Variants in CCSER1 observed in about 807,000 individuals in gnomAD.
CCSER1 encodes coiled-coil serine rich protein 1, also known as serine-rich coiled-coil domain-containing protein 1.
A neutral mutation model predicts 82.0 loss-of-function variants in CCSER1; 41 were observed. The observed-to-expected ratio is 0.50, with a 90% CI of 0.39 to 0.65. CCSER1 has a LOEUF of 0.65. Ranked by LOEUF, CCSER1 falls within the 30% of genes least tolerant of loss-of-function variation. The pLI is 0.00. For missense variants in CCSER1, 1,119 were observed against 1,064.2 expected, an observed-to-expected ratio of 1.05 and a Z score of -0.72; for synonymous variants, 414 against 383.9, an observed-to-expected ratio of 1.08 and a Z score of -0.92.
At chr4:90,884,423 C>T (rs1475841799) in intron 8 of CCSER1, among the ~76,000 whole-genome samples, 4 of 151,970 alleles carry the variant, frequency 2.6e-5, no homozygotes, top group Non-Finnish European at 5.9e-5. Flanking sequence ...TATATATAAT[C>T]AATTTATATA....
In CCSER1 at chr4:90,756,230, A is replaced by G. The variant is rs182893969; in HGVS notation, c.2010+32239A>G. Among the ~76,000 whole-genome samples the G allele has an allele frequency of 5.3e-5, 8 of 152,310 alleles. No homozygotes were observed. The East Asian group carries it at 1.5e-3, about 29-fold the overall frequency. The stretch of plus-strand genomic sequence containing the variant: ...GTGACAGAGCGAGACTCTGTCTCAA[A>G]AAAACAAATTAATAAGTAAAATAAA... On this transcript the variant is annotated intron_variant, in intron 7 of 10. Coordinates refer to ENST00000509176, the MANE Select transcript of CCSER1 (RefSeq NM_001145065.2).
chr4:90,180,342 A>G (rs1209923554), intron 1 of CCSER1, among the ~76,000 whole-genome samples: 1 of 152,022 alleles, frequency 6.6e-6, no homozygotes, highest in East Asian at 1.9e-4. Context: ...TAATCCCAGC[A>G]CTTTGGGATG....
intron 8 of CCSER1, among the ~76,000 whole-genome samples, chr4:90,829,193 T>G (rs1760839381): frequency 6.6e-6 from 1 of 152,100 alleles, no homozygotes; most frequent in South Asian, 2.1e-4. Flanking sequence ...GAAACAACGT[T>G]CAACAAAACC....
At chr4:90,878,742 T>G (rs537955527) in intron 8 of CCSER1, among the ~76,000 whole-genome samples, 5 of 152,330 alleles carry the variant, frequency 3.3e-5, no homozygotes, top group Admixed American at 3.3e-4. Context: ...GTTCTGTGTC[T>G]GAATCTCAAC....
intron 1 of CCSER1, among the ~76,000 whole-genome samples, chr4:90,228,419 G>C (rs906968062): frequency 1.3e-5 from 2 of 152,160 alleles, no homozygotes; most frequent in African/African-American, 4.8e-5. Context: ...GGTCCTGTCA[G>C]ATAGAAGGAA....
chr4:90,865,716 T>G (rs1765651880), intron 8 of CCSER1, among the ~76,000 whole-genome samples: 2 of 152,148 alleles, frequency 1.3e-5, no homozygotes, highest in African/African-American at 4.8e-5. Context: ...TAGGGGACAG[T>G]TACAACAACA....
chr4:91,051,878 A>G (rs1743035851), intron 9 of CCSER1, among the ~76,000 whole-genome samples: 1 of 151,688 alleles, frequency 6.6e-6, no homozygotes, highest in African/African-American at 2.4e-5. Context: ...GACAGGCAAA[A>G]CAACTTACTA....
intron 8 of CCSER1, among the ~76,000 whole-genome samples, chr4:90,903,572 A>G (rs200329621): frequency 8.9e-4 from 136 of 152,286 alleles, no homozygotes; most frequent in African/African-American, 3.0e-3. Flanking sequence ...AATGGAAAGT[A>G]AACACCTTCC....
At chr4:90,416,486 T>G (rs1020804492) in intron 4 of CCSER1, among the ~76,000 whole-genome samples, 3 of 152,204 alleles carry the variant, frequency 2.0e-5, no homozygotes, top group African/African-American at 7.2e-5. Context: ...TTTCCTCATT[T>G]GTAAAATGAC....
At chr4:90,331,819 CTT>C (rs34836949) in intron 3 of CCSER1, among the ~76,000 whole-genome samples, 62 of 144,616 alleles carry the variant, frequency 4.3e-4, no homozygotes, top group Admixed American at 6.3e-4. Flanking sequence ...TGTAAGACAG[CTT>C]TTTTTTTTTT....
At chr4:91,149,947 G>T (rs746983098) in intron 10 of CCSER1, among the ~76,000 whole-genome samples, 6 of 152,148 alleles carry the variant, frequency 3.9e-5, no homozygotes, top group Non-Finnish European at 7.3e-5. Context: ...GCTTAGGATT[G>T]TCTTGGCAAT....
At chr4:91,282,032 C>A (rs1366503459) in intron 10 of CCSER1, among the ~76,000 whole-genome samples, 2 of 152,106 alleles carry the variant, frequency 1.3e-5, no homozygotes, top group East Asian at 3.9e-4. Flanking sequence ...ATGTAACTTA[C>A]AAAGTTAAAA....
chr4:91,108,531 T>C (rs947068135), intron 10 of CCSER1, among the ~76,000 whole-genome samples: 4 of 152,232 alleles, frequency 2.6e-5, no homozygotes, highest in African/African-American at 9.6e-5. Flanking sequence ...ATAAGTGTTC[T>C]CCTATGCTTT....
intron 10 of CCSER1, among the ~76,000 whole-genome samples, chr4:91,346,792 T>C (rs1748092099): frequency 1.3e-5 from 2 of 152,188 alleles, no homozygotes; most frequent in Non-Finnish European, 2.9e-5. Flanking sequence ...TTTAGTGAGG[T>C]GTCTATAGAT....
At chr4:91,144,362 G>T (rs1729345349) in intron 10 of CCSER1, among the ~76,000 whole-genome samples, 1 of 151,722 alleles carries the variant, frequency 6.6e-6, no homozygotes, top group African/African-American at 2.4e-5. Context: ...TTTTCTCTGT[G>T]AGTCTAGATA....
intron 5 of CCSER1, among the ~76,000 whole-genome samples, chr4:90,579,513 G>T (rs1462151643): frequency 1.3e-5 from 2 of 152,058 alleles, no homozygotes; most frequent in Non-Finnish European, 2.9e-5. Context: ...TTTCCATTTA[G>T]ACAATTAACA....
At chr4:91,410,989 C>A (rs747503602) in intron 10 of CCSER1, among the ~76,000 whole-genome samples, 1 of 151,936 alleles carries the variant, frequency 6.6e-6, no homozygotes, top group Non-Finnish European at 1.5e-5. Flanking sequence ...TCATCCCCAA[C>A]TAAAATGATT....
chr4:91,355,071 A>G (rs771133075), intron 10 of CCSER1, among the ~76,000 whole-genome samples: 1 of 152,158 alleles, frequency 6.6e-6, no homozygotes, highest in Admixed American at 6.5e-5. Flanking sequence ...GCTCCCACTC[A>G]TGCAGGAGGG....
At chr4:91,106,213 A>G (rs1271625145) in intron 10 of CCSER1, among the ~76,000 whole-genome samples, 1 of 152,220 alleles carries the variant, frequency 6.6e-6, no homozygotes, top group Admixed American at 6.5e-5. Flanking sequence ...ACACATATTC[A>G]ATCATTTAAT....
Sources: gnomAD v4.1 joint callset for allele counts (sites outside exome capture counted in the v4.1 genomes callset) on GRCh38, gnomAD v4.1.1 for gene constraint, MANE v1.5 for transcripts, NCBI Gene and HGNC (gene_info 2026-07-23, HGNC 2026-07-21) for gene names.